Variants in SRGAP2 observed in about 807,000 individuals in gnomAD.
SRGAP2 encodes SLIT-ROBO Rho GTPase-activating protein 2.
Under a neutral mutation model 57.2 loss-of-function variants are expected in SRGAP2, and 15 were observed. The ratio of observed to expected loss-of-function variants is 0.26; its 90% confidence interval spans 0.18 to 0.40. SRGAP2 has a LOEUF of 0.40. Among genes scored for constraint, SRGAP2 ranks in the 10% least tolerant of loss-of-function variants. The pLI, the probability that SRGAP2 is intolerant of heterozygous loss-of-function variation, is 1.00. For synonymous variants in SRGAP2, 249 were observed against 248.0 expected (o/e 1.00, Z -0.04); for missense variants, 520 against 669.6 (o/e 0.78, Z 2.47).
intron 3 of SRGAP2, among the ~76,000 whole-genome samples, chr1:206,328,330 C>T (rs1553330895): frequency 8.6e-6 from 1 of 115,820 alleles, no homozygotes; most frequent in Admixed American, 9.2e-5. Flanking sequence ...CCCAGTAATG[C>T]GATGGCTGGG....
chr1:206,287,230 G>A (rs1354474945), intron 2 of SRGAP2, among the ~76,000 whole-genome samples: 2 of 152,148 alleles, frequency 1.3e-5, no homozygotes, highest in African/African-American at 2.4e-5. Flanking sequence ...CTGGGGTGGG[G>A]TCAGGATGGG....
chr1:206,394,135 C>T (rs1309837489), intron 7 of SRGAP2, among the ~76,000 whole-genome samples: 2 of 129,492 alleles, frequency 1.5e-5, no homozygotes, highest in African/African-American at 6.0e-5. Context: ...CAACCTCCAT[C>T]TCCCAGGTTC....
intron 18 of SRGAP2, among the ~76,000 whole-genome samples, chr1:206,448,403 T>C (rs1218987926): frequency 6.6e-6 from 1 of 152,210 alleles, no homozygotes; most frequent in Admixed American, 6.5e-5. Flanking sequence ...TTTTTGGGTC[T>C]GGTGGGTGCA....
At chr1:206,458,183 G>A in intron 21 of SRGAP2, among the ~76,000 whole-genome samples, 1 of 152,166 alleles carries the variant, frequency 6.6e-6, no homozygotes, top group Non-Finnish European at 1.5e-5. Context: ...TTTGGAAAAA[G>A]AGTCATGCTA....
Position 206,445,155 on chromosome 1 carries a change from T to C in SRGAP2, c.1875-920T>C, listed in dbSNP as rs543511100. Among the ~76,000 whole-genome samples the C allele has an allele frequency of 1.8e-4, 28 of 152,318 alleles. No individual in the cohort carries two copies. The South Asian group carries it at 5.8e-3, about 32-fold the overall frequency. On this transcript the variant is annotated intron_variant, in intron 17 of 22. Coordinates refer to ENST00000573034, the MANE Select transcript of SRGAP2 (RefSeq NM_015326.5). ...TCCTGCCCATGCCTATAAGGGAGAC[T>C]CCTCAGCAGAGCTCACAGCTCTGCA...
At chr1:206,383,269 C>T (rs1253130552) in intron 4 of SRGAP2, among the ~76,000 whole-genome samples, 2 of 150,380 alleles carry the variant, frequency 1.3e-5, no homozygotes, top group Non-Finnish European at 2.9e-5. Flanking sequence ...AGCTGATCCA[C>T]CCACCTTGGC....
intron 4 of SRGAP2, among the ~76,000 whole-genome samples, chr1:206,377,481 A>ATTTTT (rs782108315): frequency 6.4e-4 from 63 of 98,968 alleles, no homozygotes; most frequent in African/African-American, 2.6e-3. Context: ...TTGAAATCAG[A>ATTTTT]TTTTTTTTTT....
Position 206,427,109 on chromosome 1 carries a change from T to C in SRGAP2, c.1495-3053T>C, listed in dbSNP as rs111824425. On this transcript the variant is annotated intron_variant, in intron 13 of 22. Coordinates refer to ENST00000573034, the MANE Select transcript of SRGAP2 (RefSeq NM_015326.5). ...GTCATTTCATAGTTCAGGTCTTACA[T>C]TGAAGTCTTTAATCCATTTTGATTT... is the stretch of plus-strand genomic sequence containing the variant. Among the ~76,000 whole-genome samples, 650 of 152,292 alleles carry C rather than the reference T, an allele frequency of 4.3e-3. 7 individuals carry two copies. Among genetic ancestry groups the C allele is most frequent in the African/African-American group, 0.015 (618 of 41,544 alleles).
chr1:206,249,785 C>T lies in SRGAP2; in HGVS notation c.67+43748C>T, dbSNP rs1571674983. Among the ~76,000 whole-genome samples the T allele has an allele frequency of 4.6e-5, 7 of 151,750 alleles. No individual in the cohort carries two copies. In the South Asian group the frequency reaches 1.5e-3, roughly 32 times the overall value. ...AAAAAAAAGTCACCTTATCAAGACC[C>T]TCTAGGCTACTCTGCATAAAATATA... On this transcript the variant is annotated intron_variant, in intron 2 of 22. Coordinates refer to ENST00000573034, the MANE Select transcript of SRGAP2 (RefSeq NM_015326.5).
intron 18 of SRGAP2, among the ~76,000 whole-genome samples, chr1:206,447,522 A>G (rs1446307962): frequency 6.6e-6 from 1 of 152,150 alleles, no homozygotes; most frequent in Non-Finnish European, 1.5e-5. Flanking sequence ...GGAGGAACCT[A>G]TGCTGGCCAG....
intron 2 of SRGAP2, among the ~76,000 whole-genome samples, chr1:206,272,918 T>C (rs1290094863): frequency 2.0e-5 from 3 of 152,164 alleles, no homozygotes; most frequent in Admixed American, 2.0e-4. Context: ...GCTCTGCTGA[T>C]TTTAAAAAAA....
intron 18 of SRGAP2, 79 bp downstream of exon 18, chr1:206,446,378 C>T (rs1339190579): frequency 1.3e-6 from 1 of 751,734 alleles, no homozygotes; most frequent in East Asian, 2.4e-5. Flanking sequence ...CACACGAAAA[C>T]CAAAGGGAAA....
At chr1:206,263,712 A>G (rs1269809774) in intron 2 of SRGAP2, among the ~76,000 whole-genome samples, 5 of 152,250 alleles carry the variant, frequency 3.3e-5, no homozygotes, top group African/African-American at 9.6e-5. Context: ...TAGGTTGGGT[A>G]TATAACAGTG....
At chr1:206,451,764 C>T (rs559836660) in intron 19 of SRGAP2, among the ~76,000 whole-genome samples, 3 of 152,172 alleles carry the variant, frequency 2.0e-5, no homozygotes, top group South Asian at 2.1e-4. Context: ...AAGATATGGC[C>T]GCTATTTTAC....
At chr1:206,430,308 G>A in intron 14 of SRGAP2, 86 bp downstream of exon 14, 2 of 751,026 alleles carry the variant, frequency 2.7e-6, no homozygotes, top group South Asian at 1.4e-5. Flanking sequence ...AATAGAGATT[G>A]ACTTCCCATC....
At chr1:206,283,390 TG>T (rs1294423057) in intron 2 of SRGAP2, among the ~76,000 whole-genome samples, 2 of 151,924 alleles carry the variant, frequency 1.3e-5, no homozygotes, top group African/African-American at 4.8e-5. Context: ...TTTATGAACT[TG>T]GGCAGGGCAT....
intron 17 of SRGAP2, among the ~76,000 whole-genome samples, chr1:206,444,829 T>C (rs1396721633): frequency 5.3e-5 from 8 of 152,238 alleles, no homozygotes; most frequent in Non-Finnish European, 8.8e-5. Context: ...TGCTGGCCTC[T>C]CCTGCATTTG....
intron 4 of SRGAP2, among the ~76,000 whole-genome samples, chr1:206,346,310 C>T (rs1179951144): frequency 1.3e-5 from 2 of 152,146 alleles, no homozygotes; most frequent in African/African-American, 4.8e-5. Context: ...TATGTGATCT[C>T]CATGGTGCCT....
intron 13 of SRGAP2, among the ~76,000 whole-genome samples, chr1:206,421,535 G>T (rs1468947038): frequency 1.3e-5 from 2 of 152,186 alleles, no homozygotes; most frequent in Non-Finnish European, 2.9e-5. Context: ...TTTCATTGGT[G>T]CAGATTGTTC....
Sources: allele counts gnomAD v4.1 joint callset (sites outside exome capture counted in the v4.1 genomes callset), GRCh38; gene constraint gnomAD v4.1.1; transcripts MANE v1.5; gene names NCBI Gene and HGNC (gene_info 2026-07-23, HGNC 2026-07-21).